Variants in PCDH9 observed in about 807,000 individuals in gnomAD.
PCDH9 encodes the protein protocadherin-9.
A neutral mutation model predicts 70.6 loss-of-function variants in PCDH9; 24 were observed. That is an observed-to-expected ratio of 0.34 (90% CI 0.25 to 0.48). PCDH9 has a LOEUF of 0.48. Among genes scored for constraint, PCDH9 ranks in the 20% least tolerant of loss-of-function variants. PCDH9 has a pLI of 0.99. For missense variants in PCDH9, 1,281 were observed against 1,503.6 expected, an observed-to-expected ratio of 0.85 and a Z score of 2.45; for synonymous variants, 562 against 558.5, an observed-to-expected ratio of 1.01 and a Z score of -0.09.
At chr13:67,177,695 G>A (rs1035814514) in intron 2 of PCDH9, among the ~76,000 whole-genome samples, 3 of 151,980 alleles carry the variant, frequency 2.0e-5, no homozygotes, top group East Asian at 1.9e-4. Flanking sequence ...GCAGGCAAGC[G>A]TTCAAATACT....
At chr13:67,189,509 A>G (rs1223064582) in intron 2 of PCDH9, among the ~76,000 whole-genome samples, 1 of 152,114 alleles carries the variant, frequency 6.6e-6, no homozygotes, top group Non-Finnish European at 1.5e-5. Flanking sequence ...ACATGTGGTT[A>G]GTGACTACTT....
chr13:67,044,732 G>T (rs74888619), intron 2 of PCDH9, among the ~76,000 whole-genome samples: 13,893 of 152,116 alleles, frequency 0.091, 727 homozygotes, highest in Middle Eastern at 0.15. Context: ...AATTATTCAA[G>T]AATATGAGCA....
intron 4 of PCDH9, among the ~76,000 whole-genome samples, chr13:66,547,966 A>C (rs969034818): frequency 6.7e-6 from 1 of 148,652 alleles, no homozygotes; most frequent in African/African-American, 2.4e-5. Flanking sequence ...TAGTAAACTT[A>C]AAACAGTGAG....
At chr13:66,541,350 G>A (rs1253611779) in intron 4 of PCDH9, among the ~76,000 whole-genome samples, 2 of 152,044 alleles carry the variant, frequency 1.3e-5, no homozygotes, top group Non-Finnish European at 2.9e-5. Flanking sequence ...CATTATTAGT[G>A]TTGTCATACA....
intron 2 of PCDH9, among the ~76,000 whole-genome samples, chr13:67,129,371 C>A (rs2087053316): frequency 6.6e-6 from 1 of 151,994 alleles, no homozygotes; most frequent in Admixed American, 6.6e-5. Flanking sequence ...AGTAATAATG[C>A]ATGATAGACA....
intron 3 of PCDH9, among the ~76,000 whole-genome samples, chr13:66,714,136 T>G (rs1332146026): frequency 6.6e-6 from 1 of 152,112 alleles, no homozygotes; most frequent in East Asian, 1.9e-4. Flanking sequence ...AGCTGTTGCA[T>G]ATAAAGAAAA....
intron 4 of PCDH9, among the ~76,000 whole-genome samples, chr13:66,412,837 C>T (rs1593936911): frequency 6.6e-6 from 1 of 152,004 alleles, no homozygotes; most frequent in Non-Finnish European, 1.5e-5. Flanking sequence ...CTGAGTGGAC[C>T]GGAGGCTGAA....
chr13:66,953,248 T>A (rs914896387), intron 2 of PCDH9, among the ~76,000 whole-genome samples: 1 of 152,138 alleles, frequency 6.6e-6, no homozygotes, highest in African/African-American at 2.4e-5. Context: ...GACAATATAG[T>A]TTTTAACATT....
intron 3 of PCDH9, among the ~76,000 whole-genome samples, chr13:66,702,975 T>A (rs2078666317): frequency 1.3e-5 from 2 of 152,234 alleles, no homozygotes; most frequent in Admixed American, 1.3e-4. Context: ...TATATATTGA[T>A]CTGTGTATAC....
At chr13:66,985,094 GTACCTCACTGGCC>G (rs768090827) in intron 2 of PCDH9, among the ~76,000 whole-genome samples, 4 of 152,054 alleles carry the variant, frequency 2.6e-5, no homozygotes, top group Non-Finnish European at 5.9e-5. Flanking sequence ...CCATTAAATT[GTACCTCACTGGCC>G]TAGCCATCAC....
intron 2 of PCDH9, among the ~76,000 whole-genome samples, chr13:66,995,823 C>A (rs562703170): frequency 2.6e-5 from 4 of 152,188 alleles, no homozygotes; most frequent in African/African-American, 9.6e-5. Context: ...GTCTAAAAAT[C>A]CTCTGATATA....
chr13:66,491,310 G>C (rs1231828262), intron 4 of PCDH9, among the ~76,000 whole-genome samples: 1 of 151,258 alleles, frequency 6.6e-6, no homozygotes, highest in Non-Finnish European at 1.5e-5. Context: ...AAATTCTCTC[G>C]TAAATTTTGC....
intron 4 of PCDH9, among the ~76,000 whole-genome samples, chr13:66,412,814 T>C (rs1311866464): frequency 1.3e-5 from 2 of 152,202 alleles, no homozygotes; most frequent in Non-Finnish European, 1.5e-5. Flanking sequence ...TGAGTAAAAG[T>C]AATCTGGCAT....
intron 4 of PCDH9, among the ~76,000 whole-genome samples, chr13:66,438,952 A>G (rs1326265948): frequency 6.6e-6 from 1 of 152,182 alleles, no homozygotes; most frequent in Non-Finnish European, 1.5e-5. Flanking sequence ...CCAATGCTGA[A>G]ACTTTTCATC....
chr13:66,517,119 T>A (rs558050907), intron 4 of PCDH9, among the ~76,000 whole-genome samples: 13 of 152,234 alleles, frequency 8.5e-5, no homozygotes, highest in African/African-American at 3.1e-4. Context: ...AAACTATATA[T>A]GGGACATTTC....
chr13:67,129,631 A>G (rs2087061811), intron 2 of PCDH9, among the ~76,000 whole-genome samples: 2 of 151,894 alleles, frequency 1.3e-5, no homozygotes, highest in African/African-American at 4.8e-5. Flanking sequence ...ATATACATAT[A>G]TATATATGTA....
chr13:66,823,386 T>G (rs2080750234), intron 3 of PCDH9, among the ~76,000 whole-genome samples: 1 of 151,626 alleles, frequency 6.6e-6, no homozygotes, highest in East Asian at 1.9e-4. Flanking sequence ...GTAATAAACA[T>G]GTACTGAACT....
chr13:66,395,310 A>G (rs573293654), intron 4 of PCDH9, among the ~76,000 whole-genome samples: 12 of 152,288 alleles, frequency 7.9e-5, no homozygotes, highest in Middle Eastern at 6.8e-3. Flanking sequence ...GGAAATAAAT[A>G]AACTGAGTTT....
chr13:66,393,432 C>T (rs1004850610), intron 4 of PCDH9, among the ~76,000 whole-genome samples: 3 of 152,074 alleles, frequency 2.0e-5, no homozygotes, highest in African/African-American at 7.2e-5. Flanking sequence ...GAAGCTGGCA[C>T]AGTGGTGGAG....
Sources: allele counts gnomAD v4.1 joint callset (sites outside exome capture counted in the v4.1 genomes callset), GRCh38; gene constraint gnomAD v4.1.1; transcripts MANE v1.5; gene names NCBI Gene and HGNC (gene_info 2026-07-23, HGNC 2026-07-21).